The following VPS13B variants were observed in gnomAD, a reference collection of about 807,000 sequenced individuals.
VPS13B encodes the protein intermembrane lipid transfer protein VPS13B.
In VPS13B, 285 loss-of-function variants were observed where a neutral mutation model predicts 426.4. The observed-to-expected ratio is 0.67, with a 90% confidence interval of 0.61 to 0.74. The LOEUF is 0.74. VPS13B is among the 30% of genes least tolerant of loss of function. The probability of loss-of-function intolerance (pLI) is 0.00; values close to 1 mark genes in which losing one functional copy is unlikely to be tolerated. For synonymous variants in VPS13B, 1,676 were observed against 1,676.4 expected (o/e 1.00, Z 0.01); for missense variants, 4,537 against 4,782.6 (o/e 0.95, Z 1.51).
intron 2 of VPS13B, among the ~76,000 whole-genome samples, chr8:99,028,204 A>G (rs7006454): frequency 0.83 from 124,820 of 151,132 alleles, 52,071 homozygotes; most frequent in South Asian, 0.89. Context: ...TGTCATCATG[A>G]CCCATCCCCA....
intron 39 of VPS13B, among the ~76,000 whole-genome samples, chr8:99,747,925 A>G (rs1203621814): frequency 6.6e-6 from 1 of 151,922 alleles, no homozygotes; most frequent in Non-Finnish European, 1.5e-5. Flanking sequence ...CTGATTGACT[A>G]TTCTGTGTGG....
At chr8:99,725,021 A>G (rs997188579) in intron 39 of VPS13B, among the ~76,000 whole-genome samples, 2 of 151,996 alleles carry the variant, frequency 1.3e-5, no homozygotes, top group Non-Finnish European at 2.9e-5. Context: ...AATCCCTCCC[A>G]TCTCTGCCAG....
chr8:99,678,127 T>C (rs1831014747), intron 35 of VPS13B, among the ~76,000 whole-genome samples: 1 of 152,210 alleles, frequency 6.6e-6, no homozygotes, highest in Non-Finnish European at 1.5e-5. Flanking sequence ...TTTTCTCTCT[T>C]CTCTCTCCTT....
chr8:99,590,630 A>G (rs950170088), intron 33 of VPS13B, among the ~76,000 whole-genome samples: 1 of 152,100 alleles, frequency 6.6e-6, no homozygotes, highest in Admixed American at 6.5e-5. Flanking sequence ...TTCAGTTTCC[A>G]TGTAGTTCTG....
chr8:99,302,290 T>C (rs549030670), intron 19 of VPS13B, among the ~76,000 whole-genome samples: 64 of 152,338 alleles, frequency 4.2e-4, no homozygotes, highest in African/African-American at 1.4e-3. Context: ...TCTCAACTTA[T>C]GATGTGTGTT....
intron 2 of VPS13B, among the ~76,000 whole-genome samples, chr8:99,032,701 G>GT (rs71273155): frequency 2.0e-4 from 29 of 142,936 alleles, no homozygotes; most frequent in Admixed American, 4.9e-4. Flanking sequence ...GGCTATTTTT[G>GT]TTTTTTTTTT....
At chr8:99,363,233 C>T (rs968339369) in intron 19 of VPS13B, among the ~76,000 whole-genome samples, 2 of 152,152 alleles carry the variant, frequency 1.3e-5, no homozygotes, top group African/African-American at 2.4e-5. Flanking sequence ...CTATGGATAT[C>T]TAGTTTTCCC....
intron 33 of VPS13B, among the ~76,000 whole-genome samples, chr8:99,640,068 A>AG (rs1326235168): frequency 0.028 from 3,805 of 136,216 alleles, 132 homozygotes; most frequent in Non-Finnish European, 0.035. Flanking sequence ...AAAGAAAAGA[A>AG]AAGAAAAGAA....
intron 43 of VPS13B, among the ~76,000 whole-genome samples, chr8:99,789,276 T>C (rs543682965): frequency 6.6e-6 from 1 of 152,290 alleles, no homozygotes; most frequent in South Asian, 2.1e-4. Context: ...TGTATACATA[T>C]ATATTTAGAG....
intron 19 of VPS13B, among the ~76,000 whole-genome samples, chr8:99,299,207 C>G (rs963556886): frequency 6.6e-6 from 1 of 151,310 alleles, no homozygotes; most frequent in Non-Finnish European, 1.5e-5. Context: ...GATTACAGGC[C>G]CCCACCACTA....
At chr8:99,609,583 A>G (rs531703261) in intron 33 of VPS13B, among the ~76,000 whole-genome samples, 8 of 152,314 alleles carry the variant, frequency 5.3e-5, no homozygotes, top group African/African-American at 1.7e-4. Flanking sequence ...ATCAGTTAGT[A>G]CAGCTTGCAG....
chr8:99,360,176 TTCTTTCTTTCTTTCTCTCTC>T (rs1812455197), intron 19 of VPS13B, among the ~76,000 whole-genome samples: 1 of 42,202 alleles, frequency 2.4e-5, no homozygotes, highest in African/African-American at 1.2e-4. Flanking sequence ...CTTTCTTTCT[TTCTTTCTTTCTTTCTCTCTC>T]TCTCTCTCTC....
chr8:99,335,193 C>T (rs956379959), intron 19 of VPS13B, among the ~76,000 whole-genome samples: 10 of 152,024 alleles, frequency 6.6e-5, no homozygotes, highest in South Asian at 6.2e-4. Context: ...TCTTTGGGAT[C>T]GGTGGTGATA....
intron 56 of VPS13B, 151 bp downstream of exon 56, chr8:99,854,407 T>C: frequency 1.1e-6 from 1 of 945,972 alleles, no homozygotes; most frequent in East Asian, 2.6e-5. Context: ...GATCTAAATC[T>C]AGAGCCTGCC....
intron 19 of VPS13B, among the ~76,000 whole-genome samples, chr8:99,361,659 C>G (rs1812565708): frequency 6.6e-6 from 1 of 152,146 alleles, no homozygotes; most frequent in African/African-American, 2.4e-5. Context: ...CTTTTCTCCT[C>G]TTTGTCTTTC....
chr8:99,441,861 G>C (rs1489280561), intron 22 of VPS13B, among the ~76,000 whole-genome samples: 1 of 152,058 alleles, frequency 6.6e-6, no homozygotes, highest in Admixed American at 6.6e-5. Flanking sequence ...ATACATGTAT[G>C]TATACTTGAA....
At position 99,384,352 on chromosome 8, in the gene VPS13B, A is replaced by G. The variant is rs765946763; in HGVS notation, c.2934+35A>G. On this transcript the variant is annotated intron_variant, in intron 20 of 61. Coordinates refer to ENST00000357162, the MANE Select transcript of VPS13B (RefSeq NM_152564.5). ...TTTTAAATAATTTTTTCTGTTAACAAATATTTTTCTTATTCATTTAGTAGA... is the reference window on the plus strand; with the variant it reads ...TTTTAAATAATTTTTTCTGTTAACAGATATTTTTCTTATTCATTTAGTAGA... The G allele has an allele frequency of 2.6e-6, 4 of 1,521,596 alleles. No homozygotes were observed. The South Asian group carries it at 3.4e-5, about 13-fold the overall frequency. The allele number at this position is 1,521,596 out of a possible 1,614,324, so 94.3% of individuals were successfully genotyped here. A position where few individuals can be genotyped will look rare whatever the true frequency, so the allele number is the denominator to read the frequency against.
intron 51 of VPS13B, among the ~76,000 whole-genome samples, chr8:99,824,651 G>A (rs1189284158): frequency 6.7e-6 from 1 of 149,294 alleles, no homozygotes; most frequent in Admixed American, 6.7e-5. Flanking sequence ...GAACATACAG[G>A]TTTGTTACAT....
chr8:99,690,759 T>C (rs1257285156), intron 35 of VPS13B, among the ~76,000 whole-genome samples: 2 of 152,094 alleles, frequency 1.3e-5, no homozygotes, highest in East Asian at 3.8e-4. Context: ...CATGAAAAAA[T>C]GCTGAACATC....
Sources: allele counts gnomAD v4.1 joint callset (sites outside exome capture counted in the v4.1 genomes callset), GRCh38; gene constraint gnomAD v4.1.1; transcripts MANE v1.5; gene names NCBI Gene and HGNC (gene_info 2026-07-23, HGNC 2026-07-21).